The following SORBS2 variants were observed in gnomAD, a reference collection of about 807,000 sequenced individuals.
The protein encoded by SORBS2 is sorbin and SH3 domain-containing protein 2.
In SORBS2, 46 loss-of-function variants were observed where a neutral mutation model predicts 97.7. The observed-to-expected ratio is 0.47, with a 90% CI of 0.37 to 0.60. SORBS2 has a LOEUF of 0.60. Among genes scored for constraint, SORBS2 ranks in the 20% least tolerant of loss-of-function variants. The probability of loss-of-function intolerance (pLI) is 0.00; values close to 1 mark genes in which losing one functional copy is unlikely to be tolerated. For missense variants in SORBS2, 1,316 were observed against 1,282.3 expected, an observed-to-expected ratio of 1.03 and a Z score of -0.40; for synonymous variants, 476 against 473.4, an observed-to-expected ratio of 1.01 and a Z score of -0.07.
chr4:185,753,331 G>T (rs1044138387), intron 2 of SORBS2, among the ~76,000 whole-genome samples: 1 of 152,078 alleles, frequency 6.6e-6, no homozygotes, highest in Non-Finnish European at 1.5e-5. Context: ...AGATAGATGC[G>T]GCTAGAAAGT....
intron 1 of SORBS2, among the ~76,000 whole-genome samples, chr4:185,802,326 T>C (rs563338751): frequency 3.2e-4 from 48 of 152,328 alleles, no homozygotes; most frequent in Middle Eastern, 3.4e-3. Flanking sequence ...CTTCCTGGCT[T>C]ATTCTCTCAT....
intron 1 of SORBS2, among the ~76,000 whole-genome samples, chr4:185,856,557 T>C (rs72707638): frequency 0.086 from 13,124 of 152,154 alleles, 666 homozygotes; most frequent in Non-Finnish European, 0.11. Context: ...AGTAACTTTT[T>C]TTAAAAAAGG....
intron 2 of SORBS2, among the ~76,000 whole-genome samples, chr4:185,766,961 T>A (rs2098937362): frequency 6.6e-6 from 1 of 152,186 alleles, no homozygotes; most frequent in Non-Finnish European, 1.5e-5. Context: ...ATCAAGCTGG[T>A]CTTTAAAATT....
At chr4:185,638,608 C>G (rs1002161943) in intron 4 of SORBS2, among the ~76,000 whole-genome samples, 2 of 152,008 alleles carry the variant, frequency 1.3e-5, no homozygotes, top group Admixed American at 1.3e-4. Flanking sequence ...AGCATGGGAG[C>G]CCGCAGTCTG....
chr4:185,623,331 TAG>T lies in SORBS2; in HGVS notation c.1796_1797del (p.Ser599Ter). ...ACAGGACTGACTAGAAAAGCAAGTT[TAG>T]AAAGGCCAGGGTCCATTTCTTGCCT... On this transcript the variant is annotated frameshift_variant, in exon 7 of 15. Coordinates refer to ENST00000418609, the Ensembl canonical transcript of SORBS2. LOFTEE classifies it high-confidence loss of function. The surrounding 1 kb of genome is among the most constrained non-coding windows in gnomAD (Gnocchi z 6.4). The T allele has an allele frequency of 6.2e-7, 1 of 1,614,104 alleles. No homozygotes were observed. The highest frequency in any genetic ancestry group is 8.5e-7 in the Non-Finnish European group (1 of 1,180,028).
intron 2 of SORBS2, among the ~76,000 whole-genome samples, chr4:185,713,178 T>C (rs979475733): frequency 3.3e-5 from 5 of 152,212 alleles, no homozygotes; most frequent in Admixed American, 3.3e-4. Flanking sequence ...CTCTTTGTCC[T>C]CCAGCCTCTA....
At chr4:185,758,673 C>A (rs909766972) in intron 2 of SORBS2, among the ~76,000 whole-genome samples, 14 of 152,126 alleles carry the variant, frequency 9.2e-5, no homozygotes, top group African/African-American at 3.4e-4. Context: ...CCCTTCTTAC[C>A]ACCTACTCCC....
Position 185,606,904 on chromosome 4 carries a change from G to A in SORBS2, c.2796+4876C>T, listed in dbSNP as rs879601754. 259 of 988,700 alleles carry A rather than the reference G, an allele frequency of 2.6e-4. No individual in the cohort carries two copies. The highest frequency in any genetic ancestry group is 3.0e-4 in the Non-Finnish European group (249 of 831,752). The allele number at this position is 988,700 out of a possible 1,614,324, so 61.2% of individuals were successfully genotyped here. A position where few individuals can be genotyped will look rare whatever the true frequency, so the allele number is the denominator to read the frequency against. On this transcript the variant is annotated intron_variant, in intron 12 of 14. Transcript: ENST00000418609. The surrounding 1 kb of genome is among the most constrained non-coding windows in gnomAD (Gnocchi z 4.3). ...AAAATTATCCCCTAGGACTTCTGGTGCCTTTTTAGGGTCTGAGAAGCCCCT... is the reference window on the plus strand; with the variant it reads ...AAAATTATCCCCTAGGACTTCTGGTACCTTTTTAGGGTCTGAGAAGCCCCT...
chr4:185,697,285 G>A (rs2098189477), intron 2 of SORBS2, among the ~76,000 whole-genome samples: 1 of 152,058 alleles, frequency 6.6e-6, no homozygotes. Flanking sequence ...AAATACATGG[G>A]GCATTATTGT....
intron 1 of SORBS2, among the ~76,000 whole-genome samples, chr4:185,856,365 C>A (rs2099220545): frequency 6.6e-6 from 1 of 152,068 alleles, no homozygotes; most frequent in African/African-American, 2.4e-5. Flanking sequence ...AAAATTATAG[C>A]AAATAATAAA....
chr4:185,770,160 C>T (rs978050326), intron 2 of SORBS2, among the ~76,000 whole-genome samples: 1 of 151,536 alleles, frequency 6.6e-6, no homozygotes, highest in Non-Finnish European at 1.5e-5. Context: ...CTCACTGCAA[C>T]CTCCGCCTCC....
intron 9 of SORBS2, among the ~76,000 whole-genome samples, chr4:185,616,931 T>G (rs2096637353): frequency 6.6e-6 from 1 of 152,186 alleles, no homozygotes; most frequent in Admixed American, 6.5e-5. Flanking sequence ...GTATTTTCAG[T>G]AGAGACGGGG....
At chr4:185,662,224 C>T (rs1399274992) in exon 5 of SORBS2, 1 of 1,610,732 alleles carries the variant, frequency 6.2e-7, no homozygotes, top group Non-Finnish European at 8.5e-7. Flanking sequence ...CCTGAGTTTC[C>T]ATTCACTGTT....
At chr4:185,859,012 T>C (rs746835762) in intron 1 of SORBS2, among the ~76,000 whole-genome samples, 1 of 152,164 alleles carries the variant, frequency 6.6e-6, no homozygotes, top group Non-Finnish European at 1.5e-5. Context: ...CACAATATAA[T>C]GAGTATATAC....
intron 1 of SORBS2, among the ~76,000 whole-genome samples, chr4:185,798,174 AGACCT>A (rs1265051176): frequency 6.6e-6 from 1 of 152,162 alleles, no homozygotes; most frequent in African/African-American, 2.4e-5. Flanking sequence ...CCCACATGCC[AGACCT>A]CACCCTACAC....
intron 2 of SORBS2, among the ~76,000 whole-genome samples, chr4:185,769,214 C>T (rs1242818529): frequency 6.6e-6 from 1 of 152,162 alleles, no homozygotes; most frequent in Non-Finnish European, 1.5e-5. Flanking sequence ...ATCTTGGGGA[C>T]AGGACCCAGA....
At chr4:185,731,862 C>CTCTCTCTCTG (rs2098639252) in intron 2 of SORBS2, among the ~76,000 whole-genome samples, 3 of 30,576 alleles carry the variant, frequency 9.8e-5, no homozygotes, top group Admixed American at 7.7e-4. Flanking sequence ...CTCTCTCTCT[C>CTCTCTCTCTG]TCTCTATATA....
At chr4:185,908,298 T>C (rs1030007140) in intron 1 of SORBS2, among the ~76,000 whole-genome samples, 4 of 95,348 alleles carry the variant, frequency 4.2e-5, no homozygotes, top group Non-Finnish European at 7.1e-5. Context: ...TATATATATA[T>C]ATATATATAT....
chr4:185,901,920 GTTAAT>G (rs974641458), intron 1 of SORBS2, among the ~76,000 whole-genome samples: 5 of 152,108 alleles, frequency 3.3e-5, no homozygotes, highest in African/African-American at 9.7e-5. Context: ...CAGGCTTTCT[GTTAAT>G]TTAATTTAAC....
Sources: gnomAD v4.1 joint callset for allele counts (sites outside exome capture counted in the v4.1 genomes callset) on GRCh38, gnomAD v4.1.1 for gene constraint, Gnocchi (gnomAD v3.1) non-coding constraint, MANE v1.5 for transcripts, NCBI Gene and HGNC (gene_info 2026-07-23, HGNC 2026-07-21) for gene names.